EPAS1: variants seen among roughly 807,000 people sequenced by gnomAD.
EPAS1 encodes the protein endothelial PAS domain protein 1.
Under a neutral mutation model 87.9 loss-of-function variants are expected in EPAS1, and 23 were observed. The observed-to-expected ratio is 0.26, with a 90% confidence interval of 0.19 to 0.37. The LOEUF (loss-of-function observed/expected upper bound fraction) is 0.37. Among genes scored for constraint, EPAS1 ranks in the 10% least tolerant of loss-of-function variants. The pLI is 1.00. For missense variants in EPAS1, 1,138 were observed against 1,120.7 expected, an observed-to-expected ratio of 1.02 and a Z score of -0.22; for synonymous variants, 508 against 444.3, an observed-to-expected ratio of 1.14 and a Z score of -1.80.
intron 1 of EPAS1, among the ~76,000 whole-genome samples, chr2:46,332,166 A>G (rs1013680062): frequency 6.6e-6 from 1 of 152,034 alleles, no homozygotes; most frequent in Non-Finnish European, 1.5e-5. Context: ...TGTCCCAGGA[A>G]AAAGAGGGTT....
At position 46,378,047 on chromosome 2, in the gene EPAS1, C is replaced by G. The variant is rs2103667663; in HGVS notation, c.1403C>G (p.Thr468Ser). The G allele has an allele frequency of 1.2e-6, 2 of 1,606,756 alleles. No homozygotes were observed. The highest frequency in any genetic ancestry group is 1.7e-6 in the Non-Finnish European group (2 of 1,177,778). ...CCCCAGGCAGCTGCCCCGGGCAGCA[C>G]CACCCCCAGTGCCACCAGCAGCAGC... ...TVPQAAAPGS[T>S]TPSATSSSSS... Residue 468 changes from threonine (T) to serine (S), a missense_variant, in exon 10 of 16, where the codon ACC (threonine) becomes AGC (serine). Thr to Ser is a moderately conservative substitution (Grantham distance 58, BLOSUM62 1). Transcript: ENST00000263734.
intron 7 of EPAS1, among the ~76,000 whole-genome samples, 158 bp downstream of exon 7, chr2:46,370,091 C>G (rs372530425): frequency 2.6e-5 from 4 of 152,286 alleles, no homozygotes; most frequent in Non-Finnish European, 4.4e-5. Flanking sequence ...GTTAGAAAAC[C>G]AAGGCTGCCA....
At chr2:46,310,603 G>T (rs963284379) in intron 1 of EPAS1, among the ~76,000 whole-genome samples, 19 of 152,200 alleles carry the variant, frequency 1.2e-4, no homozygotes, top group Admixed American at 5.9e-4. Flanking sequence ...GAAGTCACCT[G>T]GGTAGAGCAG....
rs772001481 is a variant in EPAS1 at position 46,360,666 on chromosome 2, C to T, written c.483C>T (p.Asp161=). 6.2e-7 allele frequency: 1 copy of T among 1,614,022 alleles called. No homozygotes were observed. Among genetic ancestry groups the T allele is most frequent in the Non-Finnish European group, 8.5e-7 (1 of 1,180,030 alleles). ...CTGGTTTTGGGAAAAAAAGCAAAGA[C>T]ATGTCCACAGAGCGGGACTTCTTCA... ...NGSGFGKKSK[D]MSTERDFFMR... is the part of the protein sequence containing the mutation. The change falls in exon 5 of 16, where the codon GAC becomes GAT. Residue 161 remains aspartate, a synonymous_variant. Transcript: ENST00000263734. This position sits in a 1 kb window ranked among gnomAD's most constrained non-coding sequence, Gnocchi z 4.5.
intron 12 of EPAS1, 144 bp from the exon 13 acceptor site, chr2:46,381,437 GGCCTGCAGGTGCACA>G: frequency 8.8e-7 from 1 of 1,130,934 alleles, no homozygotes; most frequent in Non-Finnish European, 1.3e-6. Context: ...GCTCGAGCTC[GGCCTGCAGGTGCACA>G]GCCTGCCTCT....
Position 46,382,106 on chromosome 2 carries a change from G to A in EPAS1, c.2287+17G>A, listed in dbSNP as rs1558613098. The A allele has an allele frequency of 2.5e-6, 4 of 1,610,602 alleles. No homozygotes were observed. The highest frequency in any genetic ancestry group is 3.4e-6 in the Non-Finnish European group (4 of 1,177,984). On this transcript the variant is annotated intron_variant, in intron 14 of 15. Transcript: ENST00000263734. ...TACCCAATGGTGAGCAGCGGCCACAGGCCTGGGCCTCCTGGGGGTTCTGGT... is the reference window on the plus strand; with the variant it reads ...TACCCAATGGTGAGCAGCGGCCACAAGCCTGGGCCTCCTGGGGGTTCTGGT...
chr2:46,384,871 C>A lies in EPAS1; in HGVS notation c.*211C>A. ...TTTTTAAAGTACACAATTGTTTTACCTGTTCTGAAATGTTCTTAAATTTTG... is the reference window on the plus strand; with the variant it reads ...TTTTTAAAGTACACAATTGTTTTACATGTTCTGAAATGTTCTTAAATTTTG... On this transcript the variant is annotated 3_prime_UTR_variant, in exon 16 of 16. Transcript: ENST00000263734. The A allele has an allele frequency of 1.6e-6, 1 of 631,372 alleles. No homozygotes were observed. The highest frequency in any genetic ancestry group is 2.7e-6 in the Non-Finnish European group (1 of 368,736). 39.1% of individuals were successfully genotyped at this position (631,372 alleles called of 1,614,324 possible). A position where few individuals can be genotyped will look rare whatever the true frequency, so the allele number is the denominator to read the frequency against.
chr2:46,309,793 T>G (rs1168390773), intron 1 of EPAS1, among the ~76,000 whole-genome samples: 1 of 152,100 alleles, frequency 6.6e-6, no homozygotes, highest in Non-Finnish European at 1.5e-5. Context: ...GTTGGGAAGT[T>G]TAGGGGCAGG....
Position 46,297,961 on chromosome 2 carries a change from AG to A in EPAS1, c.26+29del, listed in dbSNP as rs780435413. On this transcript the variant is annotated intron_variant, in intron 1 of 15. Coordinates refer to ENST00000263734, the MANE Select transcript of EPAS1 (RefSeq NM_001430.5). ...AGGTAAGCGGGCGTCCGGGCCGATCAGGGGGCCGGTCCGAGGCCAGGGCCGG... is the reference window on the plus strand; with the variant it reads ...AGGTAAGCGGGCGTCCGGGCCGATCAGGGGCCGGTCCGAGGCCAGGGCCGG... 29 of 1,611,110 alleles carry A rather than the reference AG, an allele frequency of 1.8e-5. No homozygotes were observed. The Admixed American group carries it at 3.2e-4, about 18-fold the overall frequency.
intron 1 of EPAS1, among the ~76,000 whole-genome samples, chr2:46,340,300 C>T (rs998826017): frequency 6.6e-6 from 1 of 151,450 alleles, no homozygotes; most frequent in African/African-American, 2.5e-5. Context: ...GAGCCCCAGA[C>T]ATTACTGTCA....
chr2:46,332,031 T>G (rs1195446758), intron 1 of EPAS1, among the ~76,000 whole-genome samples: 5 of 152,230 alleles, frequency 3.3e-5, no homozygotes, highest in African/African-American at 1.2e-4. Flanking sequence ...GAACTGAGTG[T>G]GCAGGCCGGC....
intron 1 of EPAS1, among the ~76,000 whole-genome samples, chr2:46,299,242 G>C (rs1479373424): frequency 6.6e-6 from 1 of 152,214 alleles, no homozygotes; most frequent in African/African-American, 2.4e-5. Context: ...TTTGATAAAC[G>C]GGAGCGAATC....
intron 1 of EPAS1, among the ~76,000 whole-genome samples, chr2:46,305,228 A>G (rs182548052): frequency 6.6e-6 from 1 of 152,332 alleles, no homozygotes; most frequent in East Asian, 1.9e-4. Flanking sequence ...AGTGAAGAAG[A>G]GTGGCGAGAC....
chr2:46,362,953 A>AGTGGTGGTG lies in EPAS1; in HGVS notation c.779+1878_779+1886dup, dbSNP rs1159555840. Among the ~76,000 whole-genome samples the AGTGGTGGTG allele has an allele frequency of 1.1e-3, 89 of 78,084 alleles. 1 individual carries two copies. Among genetic ancestry groups the AGTGGTGGTG allele is most frequent in the South Asian group, 9.0e-3 (19 of 2,106 alleles). 51.2% of individuals were successfully genotyped at this position (78,084 alleles called of 152,430 possible). On this transcript the variant is annotated intron_variant, in intron 6 of 15. Coordinates refer to ENST00000263734, the MANE Select transcript of EPAS1 (RefSeq NM_001430.5). ...ACAGTCACCATTTATTGTAATTGTT[A>AGTGGTGGTG]GTGGTGGTGGTGGTGGTGGTGGTAG...
intron 1 of EPAS1, among the ~76,000 whole-genome samples, chr2:46,317,442 A>G (rs558595344): frequency 6.6e-6 from 1 of 152,348 alleles, no homozygotes; most frequent in Admixed American, 6.5e-5. Context: ...CGTCTCCATC[A>G]GGGCTCTTGA....
rs1684049950 is a variant in EPAS1 at position 46,347,246 on chromosome 2, T to C, written c.217+183T>C. 1 of 706,676 alleles carries C rather than the reference T, an allele frequency of 1.4e-6. No individual in the cohort carries two copies. Among genetic ancestry groups the C allele is most frequent in the East Asian group, 2.7e-5 (1 of 36,766 alleles). 43.8% of individuals were successfully genotyped at this position (706,676 alleles called of 1,614,324 possible). A position where few individuals can be genotyped will look rare whatever the true frequency, so the allele number is the denominator to read the frequency against. ...AAACATCTCTCTTCCAGCAGTGACC[T>C]TTACCGTGAATCCAGCTGTGAGAGG... is the stretch of plus-strand genomic sequence containing the variant. On this transcript the variant is annotated intron_variant, in intron 2 of 15. Coordinates refer to ENST00000263734, the MANE Select transcript of EPAS1 (RefSeq NM_001430.5). The surrounding 1 kb of genome is among the most constrained non-coding windows in gnomAD (Gnocchi z 4.2).
At chr2:46,310,543 A>T (rs1442417012) in intron 1 of EPAS1, among the ~76,000 whole-genome samples, 1 of 152,158 alleles carries the variant, frequency 6.6e-6, no homozygotes, top group Non-Finnish European at 1.5e-5. Flanking sequence ...CCCTAACTCA[A>T]GTTCTTGGGA....
intron 1 of EPAS1, among the ~76,000 whole-genome samples, chr2:46,302,400 T>C (rs1384694449): frequency 6.6e-6 from 1 of 152,130 alleles, no homozygotes; most frequent in Non-Finnish European, 1.5e-5. Flanking sequence ...AACCTGCTAG[T>C]TTCCCTTTTT....
chr2:46,332,094 C>T (rs1683687336), intron 1 of EPAS1, among the ~76,000 whole-genome samples: 1 of 152,116 alleles, frequency 6.6e-6, no homozygotes. Context: ...CAATGAGCAT[C>T]GCACAGAAAC....
Sources: allele counts gnomAD v4.1 joint callset (sites outside exome capture counted in the v4.1 genomes callset), GRCh38; gene constraint gnomAD v4.1.1; non-coding constraint Gnocchi (gnomAD v3.1); transcripts MANE v1.5; gene names NCBI Gene and HGNC (gene_info 2026-07-23, HGNC 2026-07-21).